NELL2: variants seen among roughly 807,000 people sequenced by gnomAD.
The protein encoded by NELL2 is protein kinase C-binding protein NELL2.
NELL2 carries 41 observed loss-of-function variants against 109.6 expected under a neutral mutation model. The observed-to-expected ratio is 0.37, with a 90% confidence interval of 0.29 to 0.49. The LOEUF is 0.49. Among genes scored for constraint, NELL2 ranks in the 20% least tolerant of loss-of-function variants. The probability of loss-of-function intolerance (pLI) is 0.98; values close to 1 mark genes in which losing one functional copy is unlikely to be tolerated. For synonymous variants in NELL2, 355 were observed against 344.7 expected (o/e 1.03, Z -0.33); for missense variants, 900 against 1,008.3 (o/e 0.89, Z 1.45).
chr12:44,533,277 G>C (rs1273602936), intron 15 of NELL2, among the ~76,000 whole-genome samples: 1 of 152,154 alleles, frequency 6.6e-6, no homozygotes, highest in African/African-American at 2.4e-5. Flanking sequence ...CTTATGGCAT[G>C]AGAAAGAAAT....
intron 2 of NELL2, among the ~76,000 whole-genome samples, chr12:44,843,084 A>T (rs1427689486): frequency 3.3e-5 from 5 of 152,200 alleles, no homozygotes; most frequent in African/African-American, 1.2e-4. Flanking sequence ...ACTTCTGTTC[A>T]TCAGAAGACT....
At chr12:44,591,493 T>TA (rs1472789800) in intron 15 of NELL2, among the ~76,000 whole-genome samples, 1 of 111,542 alleles carries the variant, frequency 9.0e-6, no homozygotes, top group African/African-American at 3.6e-5. Flanking sequence ...ATGAGAACAT[T>TA]ATATTAAGTG....
rs1948200347 is a variant in NELL2, at chr12:44,673,160, G to A, written c.1319-7551C>T. ...GATTTCTCACGCCCTGTCTGCAGAGGAAGAACTCCCCAAAGAGTTGCGTTT... is the reference window on the plus strand; with the variant it reads ...GATTTCTCACGCCCTGTCTGCAGAGAAAGAACTCCCCAAAGAGTTGCGTTT... On this transcript the variant is annotated intron_variant, in intron 12 of 19. Coordinates refer to ENST00000429094, the MANE Select transcript of NELL2 (RefSeq NM_001145108.2). Among the ~76,000 whole-genome samples, 5 of 152,212 alleles carry A rather than the reference G, an allele frequency of 3.3e-5. No individual in the cohort carries two copies. The South Asian group carries it at 1.0e-3, about 31-fold the overall frequency.
chr12:44,685,492 G>A (rs1276198289), intron 12 of NELL2, among the ~76,000 whole-genome samples: 1 of 151,982 alleles, frequency 6.6e-6, no homozygotes, highest in Non-Finnish European at 1.5e-5. Context: ...GCTAGTTGAT[G>A]CAGTTTCTTC....
chr12:44,656,979 G>T (rs1022395480), intron 13 of NELL2, among the ~76,000 whole-genome samples: 2 of 152,122 alleles, frequency 1.3e-5, no homozygotes, highest in African/African-American at 2.4e-5. Context: ...ATCCATCAAA[G>T]AAATTACCTT....
At chr12:44,741,614 G>A (rs796592004) in intron 9 of NELL2, among the ~76,000 whole-genome samples, 5 of 152,180 alleles carry the variant, frequency 3.3e-5, no homozygotes, top group Non-Finnish European at 7.3e-5. Context: ...CTAATACTGC[G>A]CTTTTCCAAC....
chr12:44,669,174 T>C (rs1183403984), intron 12 of NELL2, among the ~76,000 whole-genome samples: 1 of 152,202 alleles, frequency 6.6e-6, no homozygotes, highest in African/African-American at 2.4e-5. Context: ...ACTACAATAT[T>C]GTGCCTACCC....
At chr12:44,718,841 C>T (rs553859987) in intron 9 of NELL2, among the ~76,000 whole-genome samples, 22 of 152,228 alleles carry the variant, frequency 1.4e-4, no homozygotes, top group Admixed American at 1.1e-3. Context: ...CATATTTACT[C>T]GACTCTAGTA....
At chr12:44,600,656 A>G (rs1945184865) in intron 15 of NELL2, among the ~76,000 whole-genome samples, 3 of 152,240 alleles carry the variant, frequency 2.0e-5, no homozygotes, top group Admixed American at 6.5e-5. Flanking sequence ...ATGTATTCCT[A>G]TTGACACCCA....
In NELL2 at chr12:44,762,228, T is replaced by C. The variant is rs1386152118; in HGVS notation, c.994+12519A>G. ...ACACACCTCTTAAACATAACATGTC[T>C]AAATTGAACTTGATCTTAGCCACTC... On this transcript the variant is annotated intron_variant, in intron 9 of 19. Coordinates refer to ENST00000429094, the MANE Select transcript of NELL2 (RefSeq NM_001145108.2). 3.3e-5 allele frequency among the ~76,000 whole-genome samples: 5 copies of C among 152,188 alleles called. No individual in the cohort carries two copies. In the East Asian group the frequency reaches 9.6e-4, roughly 29 times the overall value.
Position 44,863,078 on chromosome 12 carries a change from T to C in NELL2, c.184+12147A>G, listed in dbSNP as rs1297001412. On this transcript the variant is annotated intron_variant, in intron 2 of 19. Coordinates refer to ENST00000429094, the MANE Select transcript of NELL2 (RefSeq NM_001145108.2). The stretch of plus-strand genomic sequence containing the variant: ...CATCTACATTAAGTATTTCTCCTAA[T>C]GCTATTCGTTCCCCTAGCCCCCCAC... 3.3e-5 allele frequency among the ~76,000 whole-genome samples: 5 copies of C among 152,254 alleles called. No individual in the cohort carries two copies. The East Asian group carries it at 5.8e-4, about 18-fold the overall frequency.
chr12:44,643,798 C>T lies in NELL2; in HGVS notation c.1444+21686G>A, dbSNP rs540248984. Among the ~76,000 whole-genome samples the T allele has an allele frequency of 1.7e-4, 26 of 152,174 alleles. No homozygotes were observed. In the East Asian group the frequency reaches 4.6e-3, roughly 27 times the overall value. On this transcript the variant is annotated intron_variant, in intron 13 of 19. Coordinates refer to ENST00000429094, the MANE Select transcript of NELL2 (RefSeq NM_001145108.2). ...TCTATGGATAAATATTATCCAAATTCGTTTTTCTGGAATGGTTCTATTATG... is the reference window on the plus strand; with the variant it reads ...TCTATGGATAAATATTATCCAAATTTGTTTTTCTGGAATGGTTCTATTATG...
intron 2 of NELL2, among the ~76,000 whole-genome samples, chr12:44,870,206 T>C (rs954598144): frequency 4.6e-5 from 7 of 152,114 alleles, no homozygotes; most frequent in African/African-American, 4.8e-5. Context: ...TATTCAGAGG[T>C]GATTTAGATT....
intron 16 of NELL2, among the ~76,000 whole-genome samples, chr12:44,531,459 C>T (rs1448308990): frequency 6.6e-6 from 1 of 152,124 alleles, no homozygotes; most frequent in African/African-American, 2.4e-5. Context: ...AGATAAAGCC[C>T]TTAGACCATA....
intron 13 of NELL2, 135 bp from the exon 14 acceptor site, chr12:44,611,105 G>T: frequency 1.2e-6 from 1 of 840,698 alleles, no homozygotes; most frequent in Non-Finnish European, 1.8e-6. Context: ...TTATAGAAGA[G>T]CTCAGATTTT....
Position 44,665,550 on chromosome 12 carries a change from T to A in NELL2, c.1378A>T (p.Thr460Ser). ...YCRENTMCVNTPGSFMCICKT... is the reference protein window; with the variant it reads ...YCRENTMCVNSPGSFMCICKT... ...CAGATGCACATAAAAGAACCCGGGGTGTTGACACACATTGTATTTTCACGA... is the reference window on the plus strand; with the variant it reads ...CAGATGCACATAAAAGAACCCGGGGAGTTGACACACATTGTATTTTCACGA... Residue 460 changes from threonine to serine, a missense_variant, in exon 13 of 20, where the codon ACC becomes TCC. Thr to Ser is a moderately conservative substitution (Grantham distance 58, BLOSUM62 1). Around this residue, in one of 4 missense-constraint regions of NELL2, gnomAD observed 292 missense variants for 265.3 expected, o/e 1.10. Coordinates refer to ENST00000429094, the MANE Select transcript of NELL2 (RefSeq NM_001145108.2). 6.2e-7 allele frequency: 1 copy of A among 1,613,518 alleles called. No individual in the cohort carries two copies. Among genetic ancestry groups the A allele is most frequent in the South Asian group, 1.1e-5 (1 of 91,060 alleles).
chr12:44,716,939 A>T (rs1289407808), intron 9 of NELL2, among the ~76,000 whole-genome samples: 1 of 152,142 alleles, frequency 6.6e-6, no homozygotes, highest in Non-Finnish European at 1.5e-5. Flanking sequence ...AGACTCAAAT[A>T]GGCAACTTGT....
chr12:44,857,575 T>C (rs576976890), intron 2 of NELL2, among the ~76,000 whole-genome samples: 9 of 152,314 alleles, frequency 5.9e-5, no homozygotes, highest in Admixed American at 4.6e-4. Flanking sequence ...GCCAAGGTTA[T>C]CCAGACAGAG....
At chr12:44,847,622 G>C (rs970291849) in intron 2 of NELL2, among the ~76,000 whole-genome samples, 1 of 149,276 alleles carries the variant, frequency 6.7e-6, no homozygotes, top group Non-Finnish European at 1.5e-5. Flanking sequence ...GAGCAGAAAA[G>C]AGAAGCGAGA....
Sources: gnomAD v4.1 joint callset for allele counts (sites outside exome capture counted in the v4.1 genomes callset) on GRCh38, gnomAD v4.1.1 for gene constraint, gnomAD v4.1.1 regional missense constraint, MANE v1.5 for transcripts, NCBI Gene and HGNC (gene_info 2026-07-23, HGNC 2026-07-21) for gene names.